CDH13: variants seen among roughly 807,000 people sequenced by gnomAD.
The protein encoded by CDH13 is cadherin 13.
A neutral mutation model predicts 63.8 loss-of-function variants in CDH13; 24 were observed. The observed-to-expected ratio is 0.38, with a 90% CI of 0.27 to 0.53. The LOEUF (loss-of-function observed/expected upper bound fraction) is 0.53. Ranked by LOEUF, CDH13 falls within the 20% of genes least tolerant of loss-of-function variation. CDH13 has a pLI of 0.85. For missense variants in CDH13, 1,049 were observed against 903.1 expected (o/e 1.16, Z -2.07); for synonymous variants, 503 against 355.3 (o/e 1.42, Z -4.67).
intron 2 of CDH13, among the ~76,000 whole-genome samples, chr16:82,863,663 G>A (rs2040023162): frequency 6.6e-6 from 1 of 152,054 alleles, no homozygotes; most frequent in Non-Finnish European, 1.5e-5. Flanking sequence ...TATTATTATT[G>A]TCCTTATAAT....
At chr16:83,481,664 A>G (rs760009490) in intron 6 of CDH13, among the ~76,000 whole-genome samples, 11 of 152,156 alleles carry the variant, frequency 7.2e-5, no homozygotes, top group Non-Finnish European at 1.5e-4. Flanking sequence ...GAGACTTTCA[A>G]CCAGGAACCT....
intron 1 of CDH13, among the ~76,000 whole-genome samples, chr16:82,716,838 C>G (rs2032408085): frequency 6.6e-6 from 1 of 151,732 alleles, no homozygotes; most frequent in African/African-American, 2.4e-5. Context: ...AACTATAGAT[C>G]TTCTTTGTCC....
At chr16:83,632,279 A>G (rs79797891) in intron 8 of CDH13, among the ~76,000 whole-genome samples, 6 of 3,260 alleles carry the variant, frequency 1.8e-3, no homozygotes, top group South Asian at 0.017. Context: ...CGTGTCCTAC[A>G]GTGAAATTAG....
At chr16:83,716,086 C>A (rs1908852522) in intron 10 of CDH13, among the ~76,000 whole-genome samples, 1 of 152,072 alleles carries the variant, frequency 6.6e-6, no homozygotes, top group African/African-American at 2.4e-5. Context: ...CTTAGACTTG[C>A]CCACTTTTTT....
intron 8 of CDH13, among the ~76,000 whole-genome samples, chr16:83,646,263 C>T (rs1911781391): frequency 6.6e-6 from 1 of 152,226 alleles, no homozygotes; most frequent in Admixed American, 6.5e-5. Context: ...ATTTGGAGCT[C>T]ATGACGGTAA....
At chr16:83,573,833 A>T (rs1904864264) in intron 7 of CDH13, among the ~76,000 whole-genome samples, 1 of 152,170 alleles carries the variant, frequency 6.6e-6, no homozygotes, top group Admixed American at 6.5e-5. Context: ...GTAACTATTG[A>T]ACACCTGCTT....
At chr16:82,682,584 G>C (rs550570232) in intron 1 of CDH13, among the ~76,000 whole-genome samples, 3 of 152,230 alleles carry the variant, frequency 2.0e-5, no homozygotes, top group Admixed American at 6.5e-5. Context: ...TAAGTAAAGA[G>C]AGAGTGAAAT....
chr16:83,603,880 G>A (rs913699631), intron 8 of CDH13, among the ~76,000 whole-genome samples: 1 of 152,168 alleles, frequency 6.6e-6, no homozygotes, highest in Non-Finnish European at 1.5e-5. Context: ...AGTCATGGCA[G>A]AAGGCAAAAG....
intron 2 of CDH13, among the ~76,000 whole-genome samples, chr16:82,998,016 A>C (rs1912438236): frequency 1.3e-5 from 2 of 152,226 alleles, no homozygotes; most frequent in Admixed American, 6.5e-5. Flanking sequence ...TAAATAGAGA[A>C]AGAGAATCTC....
chr16:83,096,090 A>G (rs148158019), intron 3 of CDH13, among the ~76,000 whole-genome samples: 4,225 of 152,258 alleles, frequency 0.028, 73 homozygotes, highest in Non-Finnish European at 0.042. Flanking sequence ...ACAGGTCAAG[A>G]ACTCCGTATG....
At chr16:83,659,395 C>G (rs141933665) in intron 8 of CDH13, among the ~76,000 whole-genome samples, 1 of 151,976 alleles carries the variant, frequency 6.6e-6, no homozygotes, top group Non-Finnish European at 1.5e-5. Context: ...CCCATGTCCT[C>G]AACACCAGGT....
intron 1 of CDH13, among the ~76,000 whole-genome samples, chr16:82,672,617 C>G (rs1420640564): frequency 6.6e-6 from 1 of 152,110 alleles, no homozygotes; most frequent in African/African-American, 2.4e-5. Context: ...TCTAGGTGAT[C>G]AGTCACCAAC....
Position 83,037,489 on chromosome 16 carries a change from A to G in CDH13, c.366+5271A>G, listed in dbSNP as rs1430642424. Among the ~76,000 whole-genome samples the G allele has an allele frequency of 5.3e-5, 8 of 152,292 alleles. No individual in the cohort carries two copies. The South Asian group carries it at 1.0e-3, about 20-fold the overall frequency. The stretch of plus-strand genomic sequence containing the variant: ...GCAATGGAGGGAAACCAGAAGCAAG[A>G]TTTGCCAGAAAGGAAGAAAGAGCCA... On this transcript the variant is annotated intron_variant, in intron 3 of 13. Transcript: ENST00000567109.
intron 3 of CDH13, among the ~76,000 whole-genome samples, chr16:83,094,195 C>A (rs2034075821): frequency 6.6e-6 from 1 of 152,196 alleles, no homozygotes; most frequent in Non-Finnish European, 1.5e-5. Flanking sequence ...CCAGGCAAGG[C>A]CAACAACGCC....
rs569049259 is a variant in CDH13 at position 82,655,123 on chromosome 16, A to G, written c.45+27986A>G. The stretch of plus-strand genomic sequence containing the variant: ...AGGGGATTCATCTGTTCATACATTC[A>G]TTCATTTTCCCAACACATTTACTGA... On this transcript the variant is annotated intron_variant, in intron 1 of 13. Transcript: ENST00000567109. Among the ~76,000 whole-genome samples the G allele has an allele frequency of 5.0e-4, 76 of 152,322 alleles. 1 individual carries two copies. The highest frequency in any genetic ancestry group is 1.1e-3 in the Admixed American group (17 of 15,302).
intron 2 of CDH13, among the ~76,000 whole-genome samples, chr16:83,027,412 A>G (rs988430814): frequency 1.3e-5 from 2 of 152,176 alleles, no homozygotes; most frequent in Non-Finnish European, 2.9e-5. Flanking sequence ...AAGAGTAAGC[A>G]AGAGTTAACA....
chr16:83,590,474 A>G (rs1162148573), intron 7 of CDH13, among the ~76,000 whole-genome samples: 1 of 152,116 alleles, frequency 6.6e-6, no homozygotes, highest in Admixed American at 6.5e-5. Context: ...TGTGGGGAAG[A>G]TGGGTTCTGA....
At chr16:83,258,329 T>A (rs961049325) in intron 5 of CDH13, among the ~76,000 whole-genome samples, 1 of 152,238 alleles carries the variant, frequency 6.6e-6, no homozygotes, top group African/African-American at 2.4e-5. Context: ...GGAAATGGCC[T>A]GCTTTAACAG....
At chr16:83,093,341 G>A (rs1423798423) in intron 3 of CDH13, among the ~76,000 whole-genome samples, 3 of 67,008 alleles carry the variant, frequency 4.5e-5, no homozygotes, top group Non-Finnish European at 8.4e-5. Flanking sequence ...TTGAGGTGGA[G>A]TCTTCGTCTT....
Sources: allele counts gnomAD v4.1 joint callset (sites outside exome capture counted in the v4.1 genomes callset), GRCh38; gene constraint gnomAD v4.1.1; transcripts MANE v1.5; gene names NCBI Gene and HGNC (gene_info 2026-07-23, HGNC 2026-07-21).